The following KIAA1549 variants were observed in gnomAD, a reference collection of about 807,000 sequenced individuals.
KIAA1549 encodes KIAA1549.
In KIAA1549, 70 loss-of-function variants were observed where a neutral mutation model predicts 156.4. The ratio of observed to expected loss-of-function variants is 0.45; its 90% CI spans 0.37 to 0.55. KIAA1549 has a LOEUF of 0.55. KIAA1549 is among the 20% of genes least tolerant of loss of function. KIAA1549 has a pLI of 0.00. For synonymous variants in KIAA1549, 1,103 were observed against 1,066.4 expected (o/e 1.03, Z -0.67); for missense variants, 2,428 against 2,540.9 (o/e 0.96, Z 0.96).
intron 16 of KIAA1549, among the ~76,000 whole-genome samples, chr7:138,853,150 T>C (rs977404034): frequency 2.0e-5 from 3 of 152,306 alleles, no homozygotes; most frequent in Admixed American, 6.5e-5. Context: ...ATGGGCAGAG[T>C]CTGTCCAGCG....
rs1184972501 is a variant in KIAA1549, at chr7:138,836,096, A to C, written c.*1810T>G. On this transcript the variant is annotated 3_prime_UTR_variant, in exon 20 of 20. Transcript: ENST00000422774. Reference sequence around the variant, plus strand: ...TGTTTCAGGGGTCTTAAAACTTGACACAGATACACAGGTTTTGATCAGTCA... The same window carrying C: ...TGTTTCAGGGGTCTTAAAACTTGACCCAGATACACAGGTTTTGATCAGTCA... The C allele has an allele frequency of 4.7e-6, 1 of 213,094 alleles. No individual in the cohort carries two copies. The allele number at this position is 213,094 out of a possible 1,614,324, so 13.2% of individuals were successfully genotyped here.
chr7:138,831,710 G>A lies in KIAA1549; in HGVS notation c.*6196C>T. ...TCGTACATTAACGCTCATAATCTAGGGATGAGTGTGCAGGAAGAGCCAGAA... is the reference window on the plus strand; with the variant it reads ...TCGTACATTAACGCTCATAATCTAGAGATGAGTGTGCAGGAAGAGCCAGAA... On this transcript the variant is annotated 3_prime_UTR_variant, in exon 20 of 20. Transcript: ENST00000422774. 1 of 231,240 alleles carries A rather than the reference G, an allele frequency of 4.3e-6. No individual in the cohort carries two copies. Among genetic ancestry groups the A allele is most frequent in the Non-Finnish European group, 8.6e-6 (1 of 116,806 alleles). 14.3% of individuals were successfully genotyped at this position (231,240 alleles called of 1,614,324 possible).
At chr7:138,843,834 T>A (rs969643394) in intron 18 of KIAA1549, among the ~76,000 whole-genome samples, 4 of 152,156 alleles carry the variant, frequency 2.6e-5, no homozygotes, top group Non-Finnish European at 5.9e-5. Context: ...ATAAAAGAAT[T>A]TCCTAGAAAA....
At chr7:138,968,799 G>A (rs1210807551) in intron 1 of KIAA1549, among the ~76,000 whole-genome samples, 1 of 144,444 alleles carries the variant, frequency 6.9e-6, no homozygotes, top group Non-Finnish European at 1.5e-5. Context: ...GGCAGAGCTT[G>A]CAGTGAGCCA....
Position 138,871,174 on chromosome 7 carries a change from T to G in KIAA1549, c.4534A>C (p.Asn1512His). 6.2e-7 allele frequency: 1 copy of G among 1,612,580 alleles called. No individual in the cohort carries two copies. Among genetic ancestry groups the G allele is most frequent in the Non-Finnish European group, 8.5e-7 (1 of 1,179,866 alleles). The part of the protein sequence containing the change: ...PSPADRVAES[N>H]KINKEIQTAL... ...GCAAATACCTCTTTGTTGATTTTAT[T>G]GCTTTCCGCCACTCGGTCGGCTGGG... Residue 1512 changes from asparagine (N) to histidine (H), a missense_variant, in exon 13 of 20, where the codon AAT becomes CAT. Physicochemically the swap from Asn to His is moderately conservative, Grantham distance 68. Coordinates refer to ENST00000422774, the MANE Select transcript of KIAA1549 (RefSeq NM_001164665.2).
chr7:138,957,522 G>A (rs558902439), intron 1 of KIAA1549, among the ~76,000 whole-genome samples: 15 of 139,446 alleles, frequency 1.1e-4, no homozygotes, highest in African/African-American at 4.1e-4. Flanking sequence ...GTTTGGCCCA[G>A]GCTGGAGCAC....
At chr7:138,844,609 G>T in intron 17 of KIAA1549, 135 bp from the exon 18 acceptor site, 1 of 815,636 alleles carries the variant, frequency 1.2e-6, no homozygotes. Context: ...CCTGGAAGGG[G>T]AAGAGATGTT....
rs530957880 is a variant in KIAA1549 at position 138,836,002 on chromosome 7, G to A, written c.*1904C>T. ...GTAAGACTCTAAATCTGTACAACAG[G>A]CTTCATTAATGAAGGGCTAAAACAT... On this transcript the variant is annotated 3_prime_UTR_variant, in exon 20 of 20. Transcript: ENST00000422774. The A allele has an allele frequency of 1.9e-4, 40 of 212,130 alleles. No individual in the cohort carries two copies. Among genetic ancestry groups the A allele is most frequent in the African/African-American group, 9.0e-4 (40 of 44,210 alleles). The allele number at this position is 212,130 out of a possible 1,614,324, so 13.1% of individuals were successfully genotyped here.
chr7:138,901,339 T>C (rs1811836379), intron 8 of KIAA1549, among the ~76,000 whole-genome samples: 1 of 151,384 alleles, frequency 6.6e-6, no homozygotes, highest in Non-Finnish European at 1.5e-5. Flanking sequence ...TTTTTTTTTT[T>C]TTTTGAGACA....
In KIAA1549 at chr7:138,907,066, G is replaced by A; in HGVS notation, c.3313C>T (p.Pro1105Ser). The change falls in exon 6 of 20, where the codon CCT (proline) becomes TCT (serine). Residue 1105 changes from proline (P) to serine (S), a missense_variant. Pro to Ser is a moderately conservative substitution (Grantham distance 74, BLOSUM62 -1). Around this residue, in one of 5 missense-constraint regions of KIAA1549, gnomAD observed 762 missense variants for 901.6 expected, o/e 0.85. Transcript: ENST00000422774. ...ATGATATTCACCGGGCCCCGCCGAG[G>A]AGTCACCCTTGAGGAACTGATGGTG... ...NITISSSRVT[P>S]RRGPVNIIFA... 2 of 1,610,614 alleles carry A rather than the reference G, an allele frequency of 1.2e-6. No homozygotes were observed. Among genetic ancestry groups the A allele is most frequent in the Admixed American group, 1.7e-5 (1 of 59,118 alleles).
intron 1 of KIAA1549, among the ~76,000 whole-genome samples, chr7:138,949,118 C>A (rs1184119099): frequency 2.6e-5 from 4 of 152,176 alleles, no homozygotes; most frequent in Non-Finnish European, 5.9e-5. Flanking sequence ...TATCTCTAAT[C>A]TACAAGTCTC....
intron 2 of KIAA1549, among the ~76,000 whole-genome samples, chr7:138,913,654 G>T (rs568569083): frequency 1.3e-5 from 2 of 152,036 alleles, no homozygotes; most frequent in African/African-American, 4.8e-5. Context: ...TTTTTTTCTA[G>T]GAATCAGTGA....
At chr7:138,972,142 T>C (rs1046907000) in intron 1 of KIAA1549, among the ~76,000 whole-genome samples, 1 of 151,968 alleles carries the variant, frequency 6.6e-6, no homozygotes, top group Non-Finnish European at 1.5e-5. Flanking sequence ...CTCTGGGAAC[T>C]TTCTTTCACT....
intron 1 of KIAA1549, among the ~76,000 whole-genome samples, chr7:138,974,587 A>AC (rs914317916): frequency 1.3e-5 from 2 of 151,464 alleles, no homozygotes; most frequent in African/African-American, 2.4e-5. Context: ...ATGCCTGGCT[A>AC]TTTTTTTGTG....
chr7:138,912,361 C>A lies in KIAA1549; in HGVS notation c.2967+11G>T. On this transcript the variant is annotated intron_variant, in intron 3 of 19. Transcript: ENST00000422774. ...CACCAGACATCACACTCCTGAGCCACCAGGACTCACCTTCAGTTCCACTGC... is the reference window on the plus strand; with the variant it reads ...CACCAGACATCACACTCCTGAGCCAACAGGACTCACCTTCAGTTCCACTGC... The A allele has an allele frequency of 1.9e-6, 3 of 1,608,738 alleles. No individual in the cohort carries two copies. The highest frequency in any genetic ancestry group is 2.6e-6 in the Non-Finnish European group (3 of 1,175,166).
rs1004198398 is a variant in KIAA1549 at position 138,837,307 on chromosome 7, C to T, written c.*599G>A. The T allele has an allele frequency of 4.0e-5, 9 of 227,516 alleles. No individual in the cohort carries two copies. Among genetic ancestry groups the T allele is most frequent in the East Asian group, 1.9e-4 (3 of 15,802 alleles). The allele number at this position is 227,516 out of a possible 1,614,324, so 14.1% of individuals were successfully genotyped here. ...AGCACCAGAAGAAGGAGGAAGAATG[C>T]GGGTGATGGCTTTGTTTGGAGTCAT... On this transcript the variant is annotated 3_prime_UTR_variant, in exon 20 of 20. Transcript: ENST00000422774.
intron 1 of KIAA1549, among the ~76,000 whole-genome samples, chr7:138,925,609 G>A (rs568796157): frequency 2.8e-4 from 42 of 152,046 alleles, no homozygotes; most frequent in East Asian, 1.2e-3. Context: ...GGAGGCGAGC[G>A]AATGGCTTGA....
At chr7:138,884,212 C>T (rs1299492231) in intron 10 of KIAA1549, among the ~76,000 whole-genome samples, 3 of 151,632 alleles carry the variant, frequency 2.0e-5, no homozygotes, top group African/African-American at 4.8e-5. Flanking sequence ...AAGGTAGCAC[C>T]CCCACGGAGG....
intron 1 of KIAA1549, among the ~76,000 whole-genome samples, chr7:138,945,252 G>C (rs972864820): frequency 6.6e-6 from 1 of 152,190 alleles, no homozygotes; most frequent in Non-Finnish European, 1.5e-5. Context: ...GCCCAGGAAC[G>C]CATATTGTAA....
Sources: allele counts gnomAD v4.1 joint callset (sites outside exome capture counted in the v4.1 genomes callset), GRCh38; gene constraint gnomAD v4.1.1; regional missense constraint gnomAD v4.1.1; transcripts MANE v1.5; gene names NCBI Gene and HGNC (gene_info 2026-07-23, HGNC 2026-07-21).